Variants in SERPINB1 observed in about 807,000 individuals in gnomAD.
SERPINB1 encodes the protein leukocyte elastase inhibitor.
SERPINB1 carries 23 observed loss-of-function variants against 25.9 expected under a neutral mutation model. The observed-to-expected ratio is 0.89, with a 90% CI of 0.64 to 1.26. The LOEUF (loss-of-function observed/expected upper bound fraction) is 1.26. Ranked by LOEUF, SERPINB1 falls within the 50% of genes most tolerant of loss-of-function variation. The probability of loss-of-function intolerance (pLI) is 0.00; values close to 1 mark genes in which losing one functional copy is unlikely to be tolerated. For missense variants in SERPINB1, 399 were observed against 463.6 expected (o/e 0.86, Z 1.28); for synonymous variants, 178 against 178.7 (o/e 1.00, Z 0.03).
chr6:2,840,497 G>A lies in SERPINB1; in HGVS notation c.90C>T (p.Ile30=). 1 of 1,614,156 alleles carries A rather than the reference G, an allele frequency of 6.2e-7. No individual in the cohort carries two copies. Among genetic ancestry groups the A allele is most frequent in the South Asian group, 1.1e-5 (1 of 91,082 alleles). ...TAGCAGATGAAATGCTGAAGGGAGA[G>A]ATGAAGATGTTTCCAGCCGGATTGT... ...SENNPAGNIF[I]SPFSISSAMA... Residue 30 remains isoleucine, a synonymous_variant, in exon 2 of 7, where the codon ATC becomes ATT. Transcript: ENST00000380739.
In SERPINB1 at chr6:2,833,691, T is replaced by G. The variant is rs778461914; in HGVS notation, c.1057A>C (p.Thr353Pro). The change falls in exon 7 of 7, where the codon ACT (threonine) becomes CCT (proline). Residue 353 changes from threonine (T) to proline (P), a missense_variant. By Grantham distance (38) the Thr-to-Pro change is conservative. Transcript: ENST00000380739. ...AAGAAAAGGAATGGATGGTCGGCAG[T>G]GAAATTTTCTTCGGGCATCAACATG... is the stretch of plus-strand genomic sequence containing the variant. ...FCMLMPEENF[T>P]ADHPFLFFIR... The G allele has an allele frequency of 3.7e-6, 6 of 1,614,114 alleles. No individual in the cohort carries two copies. Among genetic ancestry groups the G allele is most frequent in the Non-Finnish European group, 3.4e-6 (4 of 1,180,052 alleles).
chr6:2,840,392 C>T, intron 2 of SERPINB1, 27 bp downstream of exon 2: 1 of 1,612,872 alleles, frequency 6.2e-7, no homozygotes, highest in Non-Finnish European at 8.5e-7. Context: ...GGGAGGAAAG[C>T]AGACCCTTTT....
chr6:2,839,317 G>C (rs1223137100), intron 2 of SERPINB1: 1 of 984,908 alleles, frequency 1.0e-6, no homozygotes, highest in African/African-American at 1.8e-5. Flanking sequence ...CATAGGGTAC[G>C]AAGTCCACAT....
At position 2,841,567 on chromosome 6, in the gene SERPINB1, C is replaced by A; in HGVS notation, c.-9+245G>T. 6.5e-6 allele frequency: 1 copy of A among 152,698 alleles called. No homozygotes were observed. 9.5% of individuals were successfully genotyped at this position (152,698 alleles called of 1,614,324 possible). A position where few individuals can be genotyped will look rare whatever the true frequency, so the allele number is the denominator to read the frequency against. On this transcript the variant is annotated intron_variant, in intron 1 of 6. Coordinates refer to ENST00000380739, the MANE Select transcript of SERPINB1 (RefSeq NM_030666.4). The surrounding 1 kb of genome is among the most constrained non-coding windows in gnomAD (Gnocchi z 4.5). ...CCTGCATCTGTCGTCCTCCCTCCCT[C>A]CCTCCCTCGCGGGCTGGCCCGGCCT... is the stretch of plus-strand genomic sequence containing the variant.
rs886984466 is a variant in SERPINB1 at position 2,837,765 on chromosome 6, C to T, written c.424+117G>A. 9 of 778,876 alleles carry T rather than the reference C, an allele frequency of 1.2e-5. No homozygotes were observed. Among genetic ancestry groups the T allele is most frequent in the Non-Finnish European group, 1.8e-5 (8 of 449,724 alleles). 48.2% of individuals were successfully genotyped at this position (778,876 alleles called of 1,614,324 possible). A position where few individuals can be genotyped will look rare whatever the true frequency, so the allele number is the denominator to read the frequency against. On this transcript the variant is annotated intron_variant, in intron 4 of 6. Coordinates refer to ENST00000380739, the MANE Select transcript of SERPINB1 (RefSeq NM_030666.4). The surrounding 1 kb of genome is among the most constrained non-coding windows in gnomAD (Gnocchi z 4.3). Reference sequence around the variant, plus strand: ...CGGCAGCGTCCTCTGACTGTAACCACGATGTGCGCCAGGACTGTGGGAGCT... The same window carrying T: ...CGGCAGCGTCCTCTGACTGTAACCATGATGTGCGCCAGGACTGTGGGAGCT...
chr6:2,837,511 C>T lies in SERPINB1; in HGVS notation c.424+371G>A, dbSNP rs1766526902. ...GGCCAAGCTGGTCTTGAACTCCTGA[C>T]CTCAAATGATCCGCCCGCCTTGGGC... is the stretch of plus-strand genomic sequence containing the variant. On this transcript the variant is annotated intron_variant, in intron 4 of 6. Coordinates refer to ENST00000380739, the MANE Select transcript of SERPINB1 (RefSeq NM_030666.4). The surrounding 1 kb of genome is among the most constrained non-coding windows in gnomAD (Gnocchi z 4.3). Among the ~76,000 whole-genome samples the T allele has an allele frequency of 6.6e-6, 1 of 152,130 alleles. No individual in the cohort carries two copies. The highest frequency in any genetic ancestry group is 2.4e-5 in the African/African-American group (1 of 41,410).
At chr6:2,839,317 G>A (rs1223137100) in intron 2 of SERPINB1, 25 of 984,908 alleles carry the variant, frequency 2.5e-5, no homozygotes, top group East Asian at 1.1e-4. Flanking sequence ...CATAGGGTAC[G>A]AAGTCCACAT....
intron 2 of SERPINB1, among the ~76,000 whole-genome samples, chr6:2,838,985 C>A (rs544569538): frequency 1.3e-5 from 2 of 152,200 alleles, no homozygotes; most frequent in East Asian, 3.9e-4. Flanking sequence ...ATAAGTCTGC[C>A]TTTTCCAAAG....
intron 2 of SERPINB1, 65 bp from the exon 3 acceptor site, chr6:2,838,751 G>T: frequency 1.6e-6 from 2 of 1,271,764 alleles, no homozygotes; most frequent in South Asian, 1.7e-5. Flanking sequence ...ATTCCTTGGT[G>T]TTTCCTTCTA....
chr6:2,839,836 C>T (rs1766596661), intron 2 of SERPINB1, among the ~76,000 whole-genome samples: 1 of 22,838 alleles, frequency 4.4e-5, no homozygotes, highest in African/African-American at 8.9e-5. Flanking sequence ...CCTGAAGCTG[C>T]GGGTCTCCCC....
In SERPINB1 at chr6:2,837,975, T is replaced by C. The variant is rs944141778; in HGVS notation, c.331A>G (p.Thr111Ala). Reference protein sequence around the residue: ...LPEFLVSTQKTYGADLASVDF... With the variant: ...LPEFLVSTQKAYGADLASVDF... Reference sequence around the variant, plus strand: ...ACACTGGCCAGGTCAGCACCATATGTTTTCTGAGTCGAAACCAAGAACTCC... The same window carrying C: ...ACACTGGCCAGGTCAGCACCATATGCTTTCTGAGTCGAAACCAAGAACTCC... The change falls in exon 4 of 7, where the codon ACA becomes GCA. Residue 111 changes from threonine to alanine, a missense_variant. Physicochemically the swap from Thr to Ala is moderately conservative, Grantham distance 58. Transcript: ENST00000380739. The surrounding 1 kb of genome is among the most constrained non-coding windows in gnomAD (Gnocchi z 4.3). 3.1e-6 allele frequency: 5 copies of C among 1,613,438 alleles called. No homozygotes were observed. In the African/African-American group the frequency reaches 6.7e-5, roughly 22 times the overall value.
chr6:2,836,900 T>C (rs1766508283), intron 4 of SERPINB1, among the ~76,000 whole-genome samples: 1 of 152,054 alleles, frequency 6.6e-6, no homozygotes, highest in Non-Finnish European at 1.5e-5. Context: ...CAGCAGAACA[T>C]ACTCCATGGA....
At chr6:2,840,331 A>C (rs950064632) in intron 2 of SERPINB1, 88 bp downstream of exon 2, 6 of 1,466,644 alleles carry the variant, frequency 4.1e-6, no homozygotes, top group Non-Finnish European at 4.7e-6. Flanking sequence ...ACACAAGGTA[A>C]GAGCTCAAAG....
chr6:2,840,394 G>C (rs1766611843), intron 2 of SERPINB1, 25 bp downstream of exon 2: 1 of 1,613,086 alleles, frequency 6.2e-7, no homozygotes, highest in Non-Finnish European at 8.5e-7. Flanking sequence ...GAGGAAAGCA[G>C]ACCCTTTTTT....
chr6:2,837,850 G>A lies in SERPINB1; in HGVS notation c.424+32C>T, dbSNP rs753636663. 2.0e-5 allele frequency: 30 copies of A among 1,465,092 alleles called. No homozygotes were observed. The highest frequency in any genetic ancestry group is 2.8e-5 in the African/African-American group (2 of 71,908). The allele number at this position is 1,465,092 out of a possible 1,614,324, so 90.8% of individuals were successfully genotyped here. A position where few individuals can be genotyped will look rare whatever the true frequency, so the allele number is the denominator to read the frequency against. The stretch of plus-strand genomic sequence containing the variant: ...TGAGGAAACGAATGACATGACCAGC[G>A]CATAATGATTCCATTCTGCCCAGGC... On this transcript the variant is annotated intron_variant, in intron 4 of 6. Transcript: ENST00000380739. This position sits in a 1 kb window ranked among gnomAD's most constrained non-coding sequence, Gnocchi z 4.3.
rs769677855 is a variant in SERPINB1 at position 2,833,831 on chromosome 6, C to A, written c.917G>T (p.Gly306Val). ...AAAAATATCTCTGGCTCCTGACATG[C>A]CAGACAGATCAGCCTTGCTACTGTT... ...LFNSSKADLS[G>V]MSGARDIFIS... Residue 306 changes from glycine to valine, a missense_variant, in exon 7 of 7, where the codon GGC becomes GTC. Gly to Val is a moderately radical substitution (Grantham distance 109, BLOSUM62 -3). Transcript: ENST00000380739. 6.2e-7 allele frequency: 1 copy of A among 1,614,156 alleles called. No individual in the cohort carries two copies.
chr6:2,834,935 G>A (rs1766442413), intron 6 of SERPINB1, among the ~76,000 whole-genome samples: 1 of 152,152 alleles, frequency 6.6e-6, no homozygotes, highest in Non-Finnish European at 1.5e-5. Context: ...TATTGGACTG[G>A]AATAGAACCA....
At chr6:2,840,654 A>C in intron 1 of SERPINB1, 60 bp from the exon 2 acceptor site, 1 of 1,482,658 alleles carries the variant, frequency 6.7e-7, no homozygotes, top group Non-Finnish European at 9.1e-7. Context: ...ATTAGGCAGC[A>C]CTATTTCTCC....
intron 2 of SERPINB1, chr6:2,839,465 C>A: frequency 2.0e-6 from 2 of 984,766 alleles, no homozygotes; most frequent in Non-Finnish European, 2.4e-6. Flanking sequence ...ACTGATATAA[C>A]CCTGCAAGAA....
Sources: allele counts gnomAD v4.1 joint callset (sites outside exome capture counted in the v4.1 genomes callset), GRCh38; gene constraint gnomAD v4.1.1; non-coding constraint Gnocchi (gnomAD v3.1); transcripts MANE v1.5; gene names NCBI Gene and HGNC (gene_info 2026-07-23, HGNC 2026-07-21).